The following MIB1 variants were observed in gnomAD, a reference collection of about 807,000 sequenced individuals.
The protein encoded by MIB1 is E3 ubiquitin-protein ligase MIB1.
Under a neutral mutation model 124.5 loss-of-function variants are expected in MIB1, and 278 were observed. That is an observed-to-expected ratio of 2.23 (90% confidence interval 2.02 to 2.47). The LOEUF (loss-of-function observed/expected upper bound fraction) is 2.47. Ranked by LOEUF, MIB1 falls within the 30% of genes most tolerant of loss-of-function variation. The pLI is 0.00. For missense variants in MIB1, 957 were observed against 1,254.4 expected (o/e 0.76, Z 3.58); for synonymous variants, 446 against 429.4 (o/e 1.04, Z -0.48).
chr18:21,706,855 T>G (rs919792098), intron 1 of MIB1, among the ~76,000 whole-genome samples: 2 of 152,204 alleles, frequency 1.3e-5, no homozygotes, highest in African/African-American at 4.8e-5. Flanking sequence ...CGCTGCCCCC[T>G]GCTCTGCCAA....
intron 1 of MIB1, among the ~76,000 whole-genome samples, chr18:21,720,225 T>G (rs1304542284): frequency 2.6e-5 from 4 of 152,320 alleles, no homozygotes; most frequent in African/African-American, 9.6e-5. Flanking sequence ...CACTATGTTG[T>G]AACCTTTAAT....
chr18:21,792,586 G>GA (rs1598613542), intron 7 of MIB1, among the ~76,000 whole-genome samples: 1 of 152,064 alleles, frequency 6.6e-6, no homozygotes, highest in South Asian at 2.1e-4. Flanking sequence ...GAACAATACA[G>GA]AAAAAATAGT....
At chr18:21,817,940 C>A (rs8098866) in intron 11 of MIB1, 160,345 of 165,316 alleles carry the variant, frequency 0.97, 77,990 homozygotes, top group East Asian at 1. Context: ...AGCATCTGTT[C>A]AACTATGAAA....
intron 15 of MIB1, among the ~76,000 whole-genome samples, chr18:21,846,132 G>A (rs749743455): frequency 2.0e-5 from 3 of 151,976 alleles, no homozygotes; most frequent in Admixed American, 6.6e-5. Context: ...TTGTTTTTTC[G>A]AAGTTATTTG....
chr18:21,704,949 G>T, upstream of MIB1: 1 of 265,214 alleles, frequency 3.8e-6, no homozygotes, highest in Admixed American at 5.5e-5. Flanking sequence ...CACCGGGAGG[G>T]CGGGCGGACT....
intron 10 of MIB1, among the ~76,000 whole-genome samples, chr18:21,815,011 T>TTATATATATATATATATATATA (rs60363843): frequency 1.5e-4 from 8 of 52,648 alleles, no homozygotes; most frequent in East Asian, 7.9e-4. Flanking sequence ...GCTGTTGGTT[T>TTATATATATATATATATATATA]TATATATATA....
At chr18:21,803,186 A>T (rs1013010063) in intron 9 of MIB1, among the ~76,000 whole-genome samples, 1 of 152,092 alleles carries the variant, frequency 6.6e-6, no homozygotes, top group Non-Finnish European at 1.5e-5. Flanking sequence ...TTTACCTTTT[A>T]AATTATTTTA....
At chr18:21,838,632 C>G (rs941932258) in intron 13 of MIB1, 135 bp downstream of exon 13, 5 of 630,146 alleles carry the variant, frequency 7.9e-6, no homozygotes, top group Non-Finnish European at 1.3e-5. Context: ...GATGAAAATT[C>G]AGATATAATG....
At chr18:21,766,375 CAT>C (rs774483151) in intron 2 of MIB1, among the ~76,000 whole-genome samples, 86 of 145,352 alleles carry the variant, frequency 5.9e-4, no homozygotes, top group Non-Finnish European at 1.1e-3. Context: ...AAATAAGACA[CAT>C]AGTATTCTTA....
chr18:21,747,062 G>C (rs2146381407), intron 1 of MIB1, among the ~76,000 whole-genome samples: 1 of 152,262 alleles, frequency 6.6e-6, no homozygotes. Context: ...GGATTTGAGG[G>C]AACAATGTTT....
chr18:21,716,008 A>C (rs2040688256), intron 1 of MIB1, among the ~76,000 whole-genome samples: 1 of 152,236 alleles, frequency 6.6e-6, no homozygotes, highest in African/African-American at 2.4e-5. Flanking sequence ...CAAGAAGCTC[A>C]AAGAAGACCT....
At chr18:21,783,538 C>T (rs1268990961) in intron 6 of MIB1, among the ~76,000 whole-genome samples, 5 of 151,832 alleles carry the variant, frequency 3.3e-5, no homozygotes, top group East Asian at 3.9e-4. Flanking sequence ...CCGCTGTGCC[C>T]GGCCTCACTC....
chr18:21,840,001 C>G (rs1386818097), intron 13 of MIB1, among the ~76,000 whole-genome samples: 1 of 152,170 alleles, frequency 6.6e-6, no homozygotes, highest in African/African-American at 2.4e-5. Flanking sequence ...TTACAGTGAG[C>G]TATGATTACA....
At position 21,844,216 on chromosome 18, in the gene MIB1, G is replaced by C. The variant is rs748614615; in HGVS notation, c.2174G>C (p.Gly725Ala). The C allele has an allele frequency of 1.2e-6, 2 of 1,614,144 alleles. No homozygotes were observed. Among genetic ancestry groups the C allele is most frequent in the South Asian group, 1.1e-5 (1 of 91,072 alleles). The change falls in exon 15 of 21, where the codon GGG becomes GCG. Residue 725 changes from glycine (G) to alanine (A), a missense_variant. Gly to Ala is a moderately conservative substitution (Grantham distance 60). Transcript: ENST00000261537. ...LRQLQDMQDVGKVDAAWEPSK... is the reference protein window; with the variant it reads ...LRQLQDMQDVAKVDAAWEPSK... ...CAGCTCCAAGATATGCAAGATGTGG[G>C]GAAGGTGGATGCTGCCTGGGAGCCA...
At chr18:21,856,676 A>G (rs1261016504) in intron 18 of MIB1, among the ~76,000 whole-genome samples, 1 of 152,354 alleles carries the variant, frequency 6.6e-6, no homozygotes, top group African/African-American at 2.4e-5. Flanking sequence ...ACTTGTACCT[A>G]TGTAACAAAC....
At chr18:21,758,168 C>G (rs1019214967) in intron 1 of MIB1, among the ~76,000 whole-genome samples, 5 of 152,180 alleles carry the variant, frequency 3.3e-5, no homozygotes, top group Non-Finnish European at 7.3e-5. Flanking sequence ...AAGAACCAAG[C>G]TTGGTACTAA....
At chr18:21,759,681 T>C (rs193093754) in intron 1 of MIB1, among the ~76,000 whole-genome samples, 88 of 152,338 alleles carry the variant, frequency 5.8e-4, no homozygotes, top group Non-Finnish European at 1.0e-3. Flanking sequence ...TGAACAATTA[T>C]GTTGTTTACT....
At position 21,741,926 on chromosome 18, in the gene MIB1, C is replaced by T. The variant is rs1348667430; in HGVS notation, c.229+114C>T. 11 of 914,782 alleles carry T rather than the reference C, an allele frequency of 1.2e-5. No individual in the cohort carries two copies. The South Asian group carries it at 1.4e-4, about 12-fold the overall frequency. The allele number at this position is 914,782 out of a possible 1,614,324, so 56.7% of individuals were successfully genotyped here. ...AGTGGGACACCTGGTGGGCAGCGCCCGGCTGGAGCGAGCGGAAAGGCAAAG... is the reference window on the plus strand; with the variant it reads ...AGTGGGACACCTGGTGGGCAGCGCCTGGCTGGAGCGAGCGGAAAGGCAAAG... On this transcript the variant is annotated intron_variant, in intron 1 of 20. Transcript: ENST00000261537. This position sits in a 1 kb window ranked among gnomAD's most constrained non-coding sequence, Gnocchi z 5.4.
At chr18:21,721,427 C>T (rs950254324) in intron 1 of MIB1, among the ~76,000 whole-genome samples, 10 of 151,786 alleles carry the variant, frequency 6.6e-5, no homozygotes, top group Non-Finnish European at 1.0e-4. Flanking sequence ...GTGATCTGCC[C>T]GCCTCAGCCT....
Sources: gnomAD v4.1 joint callset for allele counts (sites outside exome capture counted in the v4.1 genomes callset) on GRCh38, gnomAD v4.1.1 for gene constraint, Gnocchi (gnomAD v3.1) non-coding constraint, MANE v1.5 for transcripts, NCBI Gene and HGNC (gene_info 2026-07-23, HGNC 2026-07-21) for gene names.